NAV1: variants seen among roughly 807,000 people sequenced by gnomAD.
NAV1 encodes neuron navigator 1.
A neutral mutation model predicts 175.2 loss-of-function variants in NAV1; 18 were observed. The ratio of observed to expected loss-of-function variants is 0.10; its 90% CI spans 0.07 to 0.15. The LOEUF (loss-of-function observed/expected upper bound fraction) is 0.15. NAV1 is among the 10% of genes least tolerant of loss of function. The pLI, the probability that NAV1 is intolerant of heterozygous loss-of-function variation, is 1.00. For synonymous variants in NAV1, 897 were observed against 978.7 expected (o/e 0.92, Z 1.56); for missense variants, 1,731 against 2,436.6 (o/e 0.71, Z 6.10).
At chr1:201,685,196 C>A (rs535553965) in intron 1 of NAV1, among the ~76,000 whole-genome samples, 1 of 150,212 alleles carries the variant, frequency 6.7e-6, no homozygotes, top group African/African-American at 2.5e-5. Context: ...GCGGTGATCA[C>A]GCCACTGCAC....
At chr1:201,627,951 C>T (rs959820089) in intron 1 of NAV1, among the ~76,000 whole-genome samples, 6 of 151,530 alleles carry the variant, frequency 4.0e-5, no homozygotes, top group African/African-American at 1.2e-4. Flanking sequence ...CCAGCCTGGG[C>T]GACATGGCAA....
intron 15 of NAV1, among the ~76,000 whole-genome samples, chr1:201,800,932 G>A (rs137923581): frequency 0.015 from 2,273 of 149,370 alleles, 64 homozygotes; most frequent in African/African-American, 0.053. Context: ...GGGTTCAAGC[G>A]ATCCTCCTGC....
chr1:201,597,878 A>G (rs553950306), intron 2 of NAV1, among the ~76,000 whole-genome samples: 2 of 152,326 alleles, frequency 1.3e-5, no homozygotes, highest in Admixed American at 6.5e-5. Flanking sequence ...TCTCCTGCCC[A>G]ACTCCATTGC....
chr1:201,629,668 C>G, intron 2 of NAV1, 161 bp downstream of exon 4: 1 of 403,790 alleles, frequency 2.5e-6, no homozygotes, highest in South Asian at 2.2e-5. Context: ...CTTGACTCAA[C>G]CCAGGGTTGG....
At chr1:201,761,055 A>G (rs150117344) in intron 3 of NAV1, among the ~76,000 whole-genome samples, 2 of 152,344 alleles carry the variant, frequency 1.3e-5, no homozygotes, top group African/African-American at 4.8e-5. Flanking sequence ...TTACAGCAGA[A>G]AAGCTTGCTT....
At chr1:201,685,255 A>G (rs1029801566) in intron 1 of NAV1, among the ~76,000 whole-genome samples, 2 of 152,170 alleles carry the variant, frequency 1.3e-5, no homozygotes, top group Non-Finnish European at 2.9e-5. Context: ...ACAAAACAAA[A>G]AAAACCTGGT....
At chr1:201,562,866 A>C (rs1006348914) in intron 1 of NAV1, among the ~76,000 whole-genome samples, 5 of 152,184 alleles carry the variant, frequency 3.3e-5, no homozygotes, top group African/African-American at 1.2e-4. Flanking sequence ...CCAGAAGTCC[A>C]ATACCTCAGT....
At chr1:201,727,109 G>A (rs1672640237) in intron 3 of NAV1, among the ~76,000 whole-genome samples, 1 of 152,142 alleles carries the variant, frequency 6.6e-6, no homozygotes, top group African/African-American at 2.4e-5. Flanking sequence ...GATTAAATTA[G>A]TTAATACTCT....
intron 1 of NAV1, among the ~76,000 whole-genome samples, chr1:201,684,887 C>T (rs1236050789): frequency 1.2e-4 from 18 of 150,346 alleles, no homozygotes; most frequent in South Asian, 2.1e-4. Flanking sequence ...GACGTGACCC[C>T]GGAAGTGGAG....
chr1:201,580,853 G>A (rs1026846835), intron 1 of NAV1, among the ~76,000 whole-genome samples: 1 of 152,156 alleles, frequency 6.6e-6, no homozygotes. Context: ...TGGGGTTGGG[G>A]GAAGAATGGT....
chr1:201,670,269 A>G (rs563295564), intron 1 of NAV1, among the ~76,000 whole-genome samples: 19 of 150,062 alleles, frequency 1.3e-4, no homozygotes, highest in African/African-American at 4.7e-4. Flanking sequence ...AGTCCCAGTA[A>G]CTCGGAGAGG....
intron 1 of NAV1, among the ~76,000 whole-genome samples, chr1:201,660,278 C>T (rs952964675): frequency 3.9e-5 from 6 of 152,210 alleles, no homozygotes; most frequent in Non-Finnish European, 8.8e-5. Context: ...TGGCCTTCCT[C>T]AGCTGTAGTG....
chr1:201,770,443 G>C (rs1675498755), intron 3 of NAV1, among the ~76,000 whole-genome samples: 1 of 152,168 alleles, frequency 6.6e-6, no homozygotes, highest in South Asian at 2.1e-4. Flanking sequence ...AGCACTCAAG[G>C]GGCTAATTTA....
At chr1:201,668,015 G>T (rs1434305305) in intron 1 of NAV1, among the ~76,000 whole-genome samples, 1 of 152,206 alleles carries the variant, frequency 6.6e-6, no homozygotes. Flanking sequence ...CTGGGTCATT[G>T]GTGTCAGCTT....
intron 1 of NAV1, among the ~76,000 whole-genome samples, chr1:201,678,572 T>C (rs777444254): frequency 6.6e-6 from 1 of 152,216 alleles, no homozygotes; most frequent in Non-Finnish European, 1.5e-5. Context: ...GTGAGTTTCC[T>C]AGTAACTTCA....
intron 16 of NAV1, 78 bp from the exon 21 acceptor site, chr1:201,804,411 T>C: frequency 7.1e-7 from 1 of 1,416,622 alleles, no homozygotes; most frequent in Admixed American, 2.1e-5. Context: ...GTACCAGCTG[T>C]GTGAAATGAG....
At chr1:201,702,578 C>T (rs990949485) in intron 1 of NAV1, among the ~76,000 whole-genome samples, 3 of 152,098 alleles carry the variant, frequency 2.0e-5, no homozygotes, top group Admixed American at 2.0e-4. Flanking sequence ...TCATGTTGGT[C>T]AGGCTGGTCT....
chr1:201,817,509 T>TA, intron 29 of NAV1, among the ~76,000 whole-genome samples: 1 of 152,142 alleles, frequency 6.6e-6, no homozygotes. Flanking sequence ...TTTTCATACA[T>TA]ACACTGATGG....
In NAV1 at chr1:201,782,274, G is replaced by A; in HGVS notation, c.1762G>A (p.Asp588Asn). The stretch of plus-strand genomic sequence containing the variant: ...TGATGCTGGTCGGGACCGCCTGAGT[G>A]ATGCTAAGAAGCCCCCCTCGGGCAT... The change falls in exon 6 of 30, where the codon GAT (aspartate) becomes AAT (asparagine). Residue 588 changes from aspartate (D) to asparagine (N), a missense_variant. Asp to Asn is a conservative substitution (Grantham distance 23). Around this residue, in one of 13 missense-constraint regions of NAV1, gnomAD observed 634 missense variants for 766.8 expected, o/e 0.83. Transcript: ENST00000367296. The surrounding 1 kb of genome is among the most constrained non-coding windows in gnomAD (Gnocchi z 5.4). 1 of 1,614,218 alleles carries A rather than the reference G, an allele frequency of 6.2e-7. No individual in the cohort carries two copies. The highest frequency in any genetic ancestry group is 8.5e-7 in the Non-Finnish European group (1 of 1,180,038).
Sources: gnomAD v4.1 joint callset for allele counts (sites outside exome capture counted in the v4.1 genomes callset) on GRCh38, gnomAD v4.1.1 for gene constraint, gnomAD v4.1.1 regional missense constraint, Gnocchi (gnomAD v3.1) non-coding constraint, MANE v1.5 for transcripts, NCBI Gene and HGNC (gene_info 2026-07-23, HGNC 2026-07-21) for gene names.